Variants in COL28A1 observed in about 807,000 individuals in gnomAD.
The protein encoded by COL28A1 is collagen type XXVIII alpha 1 chain.
COL28A1 carries 161 observed loss-of-function variants against 150.2 expected under a neutral mutation model. The observed-to-expected ratio is 1.07, with a 90% CI of 0.94 to 1.22. The LOEUF (loss-of-function observed/expected upper bound fraction) is 1.22, where lower values mean the gene tolerates loss of function less well. Among genes scored for constraint, COL28A1 ranks in the 50% most tolerant of loss-of-function variants. The pLI, the probability that COL28A1 is intolerant of heterozygous loss-of-function variation, is 0.00. For missense variants in COL28A1, 1,617 were observed against 1,388.3 expected, an observed-to-expected ratio of 1.16 and a Z score of -2.62; for synonymous variants, 552 against 469.7, an observed-to-expected ratio of 1.18 and a Z score of -2.26.
At chr7:7,398,471 A>C (rs17167230) in intron 27 of COL28A1, among the ~76,000 whole-genome samples, 15,993 of 152,252 alleles carry the variant, frequency 0.11, 895 homozygotes, top group Middle Eastern at 0.16. Flanking sequence ...TCATGGATAC[A>C]TGCTCACAAT....
chr7:7,489,420 C>T lies in COL28A1; in HGVS notation c.1133G>A (p.Gly378Glu), dbSNP rs376578351. 2.0e-6 allele frequency: 3 copies of T among 1,465,736 alleles called. No homozygotes were observed. Among genetic ancestry groups the T allele is most frequent in the South Asian group, 1.1e-5 (1 of 88,164 alleles). 90.8% of individuals were successfully genotyped at this position (1,465,736 alleles called of 1,614,324 possible). Residue 378 changes from glycine to glutamate, a missense_variant, in exon 13 of 35, where the codon GGA becomes GAA. By Grantham distance (98) the Gly-to-Glu change is moderately conservative (BLOSUM62 -2). Coordinates refer to ENST00000399429, the MANE Select transcript of COL28A1 (RefSeq NM_001037763.3). ...RGQEGRPGAP[G>E]PIGVGEPGQP... is the part of the protein sequence containing the mutation. ...TCCAGGCTCACCAACTCCAATGGGT[C>T]CTGGAGCTCCCGGTCTTCCTTCTTG...
upstream of COL28A1, among the ~76,000 whole-genome samples, chr7:7,539,310 CG>C (rs1562984422): frequency 2.6e-5 from 4 of 152,248 alleles, no homozygotes; most frequent in East Asian, 7.7e-4. Context: ...AGGGGACCAG[CG>C]TGTGCAGATC....
intron 11 of COL28A1, among the ~76,000 whole-genome samples, chr7:7,503,981 G>A (rs1780670724): frequency 6.6e-6 from 1 of 152,086 alleles, no homozygotes; most frequent in Admixed American, 6.6e-5. Context: ...ACAAAAGAGA[G>A]GCCCTTGGGA....
At chr7:7,371,485 C>T (rs985262745) in intron 32 of COL28A1, among the ~76,000 whole-genome samples, 9 of 152,214 alleles carry the variant, frequency 5.9e-5, no homozygotes, top group African/African-American at 1.4e-4. Context: ...TTCCTTAGGG[C>T]CAGTGTGCTG....
At chr7:7,496,115 T>A (rs902991479) in intron 11 of COL28A1, among the ~76,000 whole-genome samples, 2 of 152,102 alleles carry the variant, frequency 1.3e-5, no homozygotes, top group African/African-American at 2.4e-5. Context: ...TCAAGAAGGG[T>A]TTTTCTGATA....
chr7:7,517,908 A>G, intron 6 of COL28A1, 71 bp from the exon 7 acceptor site: 1 of 1,587,960 alleles, frequency 6.3e-7, no homozygotes, highest in Non-Finnish European at 8.6e-7. Context: ...AAAATGCATT[A>G]TACAGAAGAT....
Position 7,373,445 on chromosome 7 carries a change from C to T in COL28A1, c.2461G>A (p.Val821Met). The change falls in exon 32 of 35, where the codon GTG becomes ATG. Residue 821 changes from valine (V) to methionine (M), a missense_variant. Coordinates refer to ENST00000399429, the MANE Select transcript of COL28A1 (RefSeq NM_001037763.3). This position sits in a 1 kb window ranked among gnomAD's most constrained non-coding sequence, Gnocchi z 4.1. ...PENFQIIKNFVKTMADRVALD... is the reference protein window; with the variant it reads ...PENFQIIKNFMKTMADRVALD... ...GCAACCCGGTCAGCCATAGTCTTCA[C>T]AAAATTTTTAATGATCTGAAAGTTC... The T allele has an allele frequency of 1.9e-6, 3 of 1,614,156 alleles. No individual in the cohort carries two copies. Among genetic ancestry groups the T allele is most frequent in the Non-Finnish European group, 2.5e-6 (3 of 1,180,036 alleles).
At chr7:7,361,321 A>G (rs1156635899) in intron 33 of COL28A1, among the ~76,000 whole-genome samples, 9 of 152,084 alleles carry the variant, frequency 5.9e-5, no homozygotes, top group African/African-American at 2.2e-4. Context: ...TAGTGCCTTT[A>G]TAGTAGAATG....
intron 11 of COL28A1, among the ~76,000 whole-genome samples, chr7:7,505,045 C>G (rs1780734539): frequency 6.6e-6 from 1 of 152,262 alleles, no homozygotes; most frequent in Admixed American, 6.5e-5. Flanking sequence ...AGACAGTTTC[C>G]CCAGTTGAAG....
chr7:7,376,005 C>T (rs1160367542), intron 30 of COL28A1, among the ~76,000 whole-genome samples: 1 of 152,104 alleles, frequency 6.6e-6, no homozygotes, highest in Non-Finnish European at 1.5e-5. Context: ...TTTTTCAAGT[C>T]CTCTCTTCAG....
chr7:7,375,902 C>A (rs987800019), intron 30 of COL28A1, among the ~76,000 whole-genome samples: 2 of 152,164 alleles, frequency 1.3e-5, no homozygotes, highest in Non-Finnish European at 2.9e-5. Flanking sequence ...ACAATTTAAA[C>A]CACATGTGCT....
rs116903840 is a variant in COL28A1, at chr7:7,528,602, G to A, written c.681+2746C>T. The stretch of plus-strand genomic sequence containing the variant: ...CTGATACAGAAAAAAACCCTGATGA[G>A]TTTGAAAATCATTATACTGGGTACA... On this transcript the variant is annotated intron_variant, in intron 3 of 34. Transcript: ENST00000399429. Among the ~76,000 whole-genome samples, 49 of 152,286 alleles carry A rather than the reference G, an allele frequency of 3.2e-4. 1 individual carries two copies. The East Asian group carries it at 8.7e-3, about 27-fold the overall frequency.
At chr7:7,452,121 G>T (rs921452358) in intron 18 of COL28A1, among the ~76,000 whole-genome samples, 198 bp downstream of exon 18, 1 of 152,238 alleles carries the variant, frequency 6.6e-6, no homozygotes, top group African/African-American at 2.4e-5. Context: ...GAGCAGCACT[G>T]TCCAAGAGGA....
In COL28A1 at chr7:7,463,762, TA is replaced by T. The variant is rs201933082; in HGVS notation, c.1303-7651del. Among the ~76,000 whole-genome samples, 706 of 151,998 alleles carry T rather than the reference TA, an allele frequency of 4.6e-3. 5 individuals carry two copies. Among genetic ancestry groups the T allele is most frequent in the East Asian group, 0.022 (114 of 5,184 alleles). ...CAGGACCTATAAAACAAAAATATAA[TA>T]AAAAAGGTATATAGGCAAAAAATAG... On this transcript the variant is annotated intron_variant, in intron 15 of 34. Coordinates refer to ENST00000399429, the MANE Select transcript of COL28A1 (RefSeq NM_001037763.3).
intron 13 of COL28A1, among the ~76,000 whole-genome samples, chr7:7,485,363 A>C (rs770748379): frequency 1.3e-5 from 2 of 152,118 alleles, no homozygotes; most frequent in Non-Finnish European, 2.9e-5. Context: ...TCCCAATACA[A>C]ATCCTTTGTA....
Position 7,358,327 on chromosome 7 carries a change from T to G in COL28A1, c.*306A>C. ...GGAATTAAAGGAATCAGAATCACAT[T>G]GCAGGTTGTGAAGTAGATAGAGTCT... On this transcript the variant is annotated 3_prime_UTR_variant, in exon 35 of 35. Transcript: ENST00000399429. 1 of 223,146 alleles carries G rather than the reference T, an allele frequency of 4.5e-6. No individual in the cohort carries two copies. Among genetic ancestry groups the G allele is most frequent in the Non-Finnish European group, 8.8e-6 (1 of 114,236 alleles). 13.8% of individuals were successfully genotyped at this position (223,146 alleles called of 1,614,324 possible). A position where few individuals can be genotyped will look rare whatever the true frequency, so the allele number is the denominator to read the frequency against.
intron 15 of COL28A1, among the ~76,000 whole-genome samples, chr7:7,471,125 T>TAAAAAAAAAAAAAAAAAAAAA (rs746981344): frequency 1.1e-5 from 1 of 88,516 alleles, no homozygotes; most frequent in East Asian, 3.4e-4. Flanking sequence ...AAAAAATAAT[T>TAAAAAAAAAAAAAAAAAAAAA]AAAAAAAAAA....
chr7:7,456,126 A>C lies in COL28A1; in HGVS notation c.1303-14T>G, dbSNP rs368587734. 5.0e-6 allele frequency: 8 copies of C among 1,609,510 alleles called. No individual in the cohort carries two copies. The highest frequency in any genetic ancestry group is 6.8e-6 in the Non-Finnish European group (8 of 1,177,800). ...TCCTATATCCCCCTGCACAGAAAATAAGCCAGGAAATATAACAATAAAATA... is the reference window on the plus strand; with the variant it reads ...TCCTATATCCCCCTGCACAGAAAATCAGCCAGGAAATATAACAATAAAATA... On this transcript the variant is annotated splice_polypyrimidine_tract_variant and intron_variant, in intron 15 of 34. Coordinates refer to ENST00000399429, the MANE Select transcript of COL28A1 (RefSeq NM_001037763.3).
intron 28 of COL28A1, among the ~76,000 whole-genome samples, chr7:7,381,197 TTG>T (rs1781854457): frequency 6.6e-6 from 1 of 152,154 alleles, no homozygotes. Context: ...TGTAAGTATG[TTG>T]TAAGATAACT....
Sources: allele counts gnomAD v4.1 joint callset (sites outside exome capture counted in the v4.1 genomes callset), GRCh38; gene constraint gnomAD v4.1.1; non-coding constraint Gnocchi (gnomAD v3.1); transcripts MANE v1.5; gene names NCBI Gene and HGNC (gene_info 2026-07-23, HGNC 2026-07-21).